The following ERC1 variants were observed in gnomAD, a reference collection of about 807,000 sequenced individuals.
ERC1 encodes the protein ELKS/RAB6-interacting/CAST family member 1, also known as RAB6 interacting protein 2.
Under a neutral mutation model 132.0 loss-of-function variants are expected in ERC1, and 56 were observed. The observed-to-expected ratio is 0.42, with a 90% CI of 0.34 to 0.53. ERC1 has a LOEUF of 0.53. Among genes scored for constraint, ERC1 ranks in the 20% least tolerant of loss-of-function variants. ERC1 has a pLI of 0.03. For missense variants in ERC1, 1,202 were observed against 1,349.9 expected, an observed-to-expected ratio of 0.89 and a Z score of 1.72; for synonymous variants, 478 against 476.1, an observed-to-expected ratio of 1.00 and a Z score of -0.05.
At chr12:1,113,086 G>A (rs1394728801) in intron 6 of ERC1, among the ~76,000 whole-genome samples, 2 of 151,944 alleles carry the variant, frequency 1.3e-5, no homozygotes, top group East Asian at 3.8e-4. Context: ...TATTTACATT[G>A]TATTACGTAT....
At chr12:1,294,172 G>A (rs990358148) in intron 15 of ERC1, among the ~76,000 whole-genome samples, 40 of 151,776 alleles carry the variant, frequency 2.6e-4, no homozygotes, top group African/African-American at 9.4e-4. Context: ...GCTTTTATAC[G>A]GCCCACCCTA....
At chr12:1,444,285 C>T (rs1457115138) in intron 17 of ERC1, 5 of 251,188 alleles carry the variant, frequency 2.0e-5, no homozygotes, top group Non-Finnish European at 3.8e-5. Flanking sequence ...GTGCTTAATT[C>T]CTGCCTCGAT....
At position 1,394,044 on chromosome 12, in the gene ERC1, ACCAC is replaced by A. The variant is rs753729623; in HGVS notation, c.2926-14104_2926-14101del. 4.7e-4 allele frequency among the ~76,000 whole-genome samples: 34 copies of A among 72,322 alleles called. 3 individuals are homozygous for A. The highest frequency in any genetic ancestry group is 1.0e-3 in the African/African-American group (16 of 15,840). 47.4% of individuals were successfully genotyped at this position (72,322 alleles called of 152,430 possible). ...AAAAAAAAAAAAAAACAAAAAAAAA[ACCAC>A]AAAGCATTAAGCAATTTAATTTCTG... On this transcript the variant is annotated intron_variant, in intron 16 of 18. Transcript: ENST00000360905.
intron 17 of ERC1, among the ~76,000 whole-genome samples, chr12:1,428,733 C>T (rs528074599): frequency 8.5e-5 from 13 of 152,176 alleles, no homozygotes; most frequent in Non-Finnish European, 1.8e-4. Context: ...TCCTCAGCTC[C>T]GCGCTGATTT....
rs1251572052 is a variant in ERC1, at chr12:1,484,075, G to A, written c.3214-6018G>A. Among the ~76,000 whole-genome samples the A allele has an allele frequency of 1.0e-4, 9 of 90,098 alleles. No homozygotes were observed. In the East Asian group the frequency reaches 1.9e-3, roughly 19 times the overall value. 59.1% of individuals were successfully genotyped at this position (90,098 alleles called of 152,430 possible). On this transcript the variant is annotated intron_variant, in intron 18 of 18. Coordinates refer to ENST00000360905, the MANE Select transcript of ERC1 (RefSeq NM_178040.4). ...AATCCCAGCACTTTGGGAGGCTGAG[G>A]CGGGCGGATCACGAGGTCAGGAGAT...
chr12:1,166,634 A>G (rs1302106187), intron 8 of ERC1, among the ~76,000 whole-genome samples: 2 of 152,140 alleles, frequency 1.3e-5, no homozygotes, highest in Admixed American at 6.5e-5. Context: ...TTCTGTATCT[A>G]TTGAGATGAT....
intron 14 of ERC1, among the ~76,000 whole-genome samples, chr12:1,281,163 C>T (rs1444526952): frequency 2.6e-5 from 4 of 152,164 alleles, no homozygotes; most frequent in Non-Finnish European, 5.9e-5. Context: ...TGAATCCCTA[C>T]ATGGTCTGTT....
chr12:1,268,852 C>T (rs986233290), intron 14 of ERC1, among the ~76,000 whole-genome samples: 3 of 152,018 alleles, frequency 2.0e-5, no homozygotes, highest in South Asian at 2.1e-4. Context: ...AAGCTAGAAG[C>T]GTCTAGGAAA....
intron 10 of ERC1, among the ~76,000 whole-genome samples, 175 bp downstream of exon 10, chr12:1,182,240 A>G (rs967188315): frequency 6.6e-6 from 1 of 152,234 alleles, no homozygotes; most frequent in South Asian, 2.1e-4. Flanking sequence ...GCAGAGACAT[A>G]GCGGATTGGT....
chr12:1,420,401 TA>T (rs983681351), intron 17 of ERC1, among the ~76,000 whole-genome samples: 3 of 151,440 alleles, frequency 2.0e-5, no homozygotes, highest in Admixed American at 6.6e-5. Flanking sequence ...ATTTTTCCTT[TA>T]AAAAAAAAGT....
intron 4 of ERC1, among the ~76,000 whole-genome samples, chr12:1,105,458 C>A (rs879489281): frequency 6.6e-6 from 1 of 152,040 alleles, no homozygotes; most frequent in East Asian, 1.9e-4. Flanking sequence ...CCCGGGTTCA[C>A]GCCATTCTCC....
intron 7 of ERC1, among the ~76,000 whole-genome samples, chr12:1,130,871 G>C (rs1006701479): frequency 2.6e-5 from 4 of 152,128 alleles, no homozygotes; most frequent in African/African-American, 9.7e-5. Flanking sequence ...AATGGGAAAT[G>C]CAGTCATAGG....
Position 1,033,692 on chromosome 12 carries a change from C to T in ERC1, c.669+5120C>T, listed in dbSNP as rs1017173336. ...TGTCGCCAGCTGGAGTGCAGTGACA[C>T]GATCTCAGCTCACTGCAACCTCCGC... On this transcript the variant is annotated intron_variant, in intron 2 of 18. Transcript: ENST00000360905. 5.9e-5 allele frequency among the ~76,000 whole-genome samples: 9 copies of T among 151,498 alleles called. No homozygotes were observed. The South Asian group carries it at 1.3e-3, about 21-fold the overall frequency.
At chr12:1,092,864 C>T (rs1039199713) in intron 3 of ERC1, among the ~76,000 whole-genome samples, 6 of 152,132 alleles carry the variant, frequency 3.9e-5, no homozygotes, top group African/African-American at 1.4e-4. Flanking sequence ...GTGAGGCTGG[C>T]ACATGGTAAT....
rs1035472011 is a variant in ERC1, at chr12:1,035,923, GA to G, written c.669+7362del. On this transcript the variant is annotated intron_variant, in intron 2 of 18. Coordinates refer to ENST00000360905, the MANE Select transcript of ERC1 (RefSeq NM_178040.4). The stretch of plus-strand genomic sequence containing the variant: ...GGAGACAGAGCATGACTCCGTCTCA[GA>G]AAAAAAAAAATACTTTGGATGATTT... 1.4e-3 allele frequency among the ~76,000 whole-genome samples: 200 copies of G among 141,620 alleles called. 1 individual carries two copies. The highest frequency in any genetic ancestry group is 1.2e-3 in the Admixed American group (17 of 14,312). The allele number at this position is 141,620 out of a possible 152,430, so 92.9% of individuals were successfully genotyped here.
intron 2 of ERC1, among the ~76,000 whole-genome samples, chr12:1,043,107 G>A (rs774954134): frequency 6.7e-6 from 1 of 149,214 alleles, no homozygotes; most frequent in Non-Finnish European, 1.5e-5. Flanking sequence ...GCAGTGGCGC[G>A]ATCTTGGCTG....
intron 18 of ERC1, among the ~76,000 whole-genome samples, chr12:1,447,709 G>A (rs2093338233): frequency 6.6e-6 from 1 of 151,138 alleles, no homozygotes; most frequent in African/African-American, 2.4e-5. Flanking sequence ...GAGTGCAGTG[G>A]CACGATCTCA....
chr12:1,458,755 C>T (rs1256881217), intron 18 of ERC1, among the ~76,000 whole-genome samples: 2 of 152,144 alleles, frequency 1.3e-5, no homozygotes, highest in Admixed American at 1.3e-4. Flanking sequence ...TCAGGCTGGT[C>T]TTGAGCTCCT....
chr12:1,007,371 G>A (rs1199550204), intron 1 of ERC1, among the ~76,000 whole-genome samples: 1 of 152,162 alleles, frequency 6.6e-6, no homozygotes, highest in African/African-American at 2.4e-5. Flanking sequence ...CTGTGGACCT[G>A]TTCCCACTAA....
Sources: allele counts gnomAD v4.1 joint callset (sites outside exome capture counted in the v4.1 genomes callset), GRCh38; gene constraint gnomAD v4.1.1; transcripts MANE v1.5; gene names NCBI Gene and HGNC (gene_info 2026-07-23, HGNC 2026-07-21).